Variants in TRIP13 observed in about 807,000 individuals in gnomAD.
The protein encoded by TRIP13 is pachytene checkpoint protein 2 homolog.
In TRIP13, 25 loss-of-function variants were observed where a neutral mutation model predicts 54.4. The ratio of observed to expected loss-of-function variants is 0.46; its 90% CI spans 0.33 to 0.64. The LOEUF is 0.64. Ranked by LOEUF, TRIP13 falls within the 30% of genes least tolerant of loss-of-function variation. The probability of loss-of-function intolerance (pLI) is 0.02; values close to 1 mark genes in which losing one functional copy is unlikely to be tolerated. For synonymous variants in TRIP13, 207 were observed against 207.8 expected (o/e 1.00, Z 0.03); for missense variants, 373 against 534.2 (o/e 0.70, Z 2.97).
At chr5:902,981 C>T (rs1334324397) in intron 5 of TRIP13, among the ~76,000 whole-genome samples, 1 of 152,140 alleles carries the variant, frequency 6.6e-6, no homozygotes, top group African/African-American at 2.4e-5. Context: ...AAAGGCAGAG[C>T]CAGGTGTACA....
chr5:912,602 AGTGT>A lies in TRIP13; in HGVS notation c.1020+608_1020+611del, dbSNP rs1384594720. ...GCCACGGGCACAGTGACGTGCGGTG[AGTGT>A]GAGTCAGGAGGGCCGTCGCCACGGG... On this transcript the variant is annotated intron_variant, in intron 10 of 12. Coordinates refer to ENST00000166345, the MANE Select transcript of TRIP13 (RefSeq NM_004237.4). This position sits in a 1 kb window ranked among gnomAD's most constrained non-coding sequence, Gnocchi z 7.2. Among the ~76,000 whole-genome samples, 4 of 136,312 alleles carry A rather than the reference AGTGT, an allele frequency of 2.9e-5. No individual in the cohort carries two copies. The highest frequency in any genetic ancestry group is 4.8e-4 in the South Asian group (2 of 4,192). 89.4% of individuals were successfully genotyped at this position (136,312 alleles called of 152,430 possible). A position where few individuals can be genotyped will look rare whatever the true frequency, so the allele number is the denominator to read the frequency against.
rs1411206556 is a variant in TRIP13 at position 895,056 on chromosome 5, C to T, written c.258+104C>T. 2.3e-6 allele frequency: 3 copies of T among 1,309,674 alleles called. No individual in the cohort carries two copies. The African/African-American group carries it at 4.4e-5, about 19-fold the overall frequency. The allele number at this position is 1,309,674 out of a possible 1,614,324, so 81.1% of individuals were successfully genotyped here. A position where few individuals can be genotyped will look rare whatever the true frequency, so the allele number is the denominator to read the frequency against. ...TAGCCTGTTGTCAGAAACAGGTTCA[C>T]TTCTCTGTTGGTTTGGGTGGCTAGA... On this transcript the variant is annotated intron_variant, in intron 2 of 12. Transcript: ENST00000166345.
chr5:894,972 G>A lies in TRIP13; in HGVS notation c.258+20G>A. On this transcript the variant is annotated intron_variant, in intron 2 of 12. Transcript: ENST00000166345. ...TCACAGGTAAGTTACTAATTTGCTGGGCCAAGGAACAGTTAGCTGAATACA... is the reference window on the plus strand; with the variant it reads ...TCACAGGTAAGTTACTAATTTGCTGAGCCAAGGAACAGTTAGCTGAATACA... 1.3e-6 allele frequency: 2 copies of A among 1,587,294 alleles called. No homozygotes were observed. Among genetic ancestry groups the A allele is most frequent in the Non-Finnish European group, 8.5e-7 (1 of 1,171,430 alleles).
At chr5:904,929 G>A (rs896852991) in intron 6 of TRIP13, among the ~76,000 whole-genome samples, 1 of 152,084 alleles carries the variant, frequency 6.6e-6, no homozygotes, top group Non-Finnish European at 1.5e-5. Context: ...ATTCCATCAT[G>A]ATTGTCATTT....
chr5:916,162 G>A (rs1464135772), intron 12 of TRIP13, among the ~76,000 whole-genome samples, 189 bp downstream of exon 12: 1 of 152,218 alleles, frequency 6.6e-6, no homozygotes, highest in Non-Finnish European at 1.5e-5. Context: ...CCTTTGGGAG[G>A]AGGCGGCTGT....
Position 911,346 on chromosome 5 carries a change from C to T in TRIP13, c.867-497C>T, listed in dbSNP as rs1002691328. Reference sequence around the variant, plus strand: ...CAGCACTTTGGGAGGCCGAGGCAGGCGGATCACGAGGTCAGGAGATCGAGA... The same window carrying T: ...CAGCACTTTGGGAGGCCGAGGCAGGTGGATCACGAGGTCAGGAGATCGAGA... On this transcript the variant is annotated intron_variant, in intron 9 of 12. Coordinates refer to ENST00000166345, the MANE Select transcript of TRIP13 (RefSeq NM_004237.4). This position sits in a 1 kb window ranked among gnomAD's most constrained non-coding sequence, Gnocchi z 4.7. Among the ~76,000 whole-genome samples, 2 of 151,974 alleles carry T rather than the reference C, an allele frequency of 1.3e-5. No individual in the cohort carries two copies. Among genetic ancestry groups the T allele is most frequent in the East Asian group, 3.9e-4 (2 of 5,148 alleles).
intron 6 of TRIP13, among the ~76,000 whole-genome samples, chr5:906,591 A>G (rs940916057): frequency 6.6e-6 from 1 of 152,182 alleles, no homozygotes; most frequent in Non-Finnish European, 1.5e-5. Flanking sequence ...CTCTGGCCTC[A>G]GTCTTGTTCT....
intron 5 of TRIP13, 91 bp downstream of exon 5, chr5:901,522 C>G (rs1483197070): frequency 3.2e-6 from 4 of 1,257,800 alleles, no homozygotes; most frequent in African/African-American, 1.5e-5. Flanking sequence ...AGTTACGGCT[C>G]TTTGTTTTCT....
In TRIP13 at chr5:912,005, A is replaced by T. The variant is rs950795108; in HGVS notation, c.1020+9A>T. On this transcript the variant is annotated intron_variant, in intron 10 of 12. Coordinates refer to ENST00000166345, the MANE Select transcript of TRIP13 (RefSeq NM_004237.4). This position sits in a 1 kb window ranked among gnomAD's most constrained non-coding sequence, Gnocchi z 7.2. Reference sequence around the variant, plus strand: ...TGGAAGAACTGATGAAGGTACCTTTATTTTTTTTTTCCTCTTGATACAAAT... The same window carrying T: ...TGGAAGAACTGATGAAGGTACCTTTTTTTTTTTTTTCCTCTTGATACAAAT... 4 of 1,529,070 alleles carry T rather than the reference A, an allele frequency of 2.6e-6. No individual in the cohort carries two copies. In the African/African-American group the frequency reaches 4.2e-5, roughly 16 times the overall value. 94.7% of individuals were successfully genotyped at this position (1,529,070 alleles called of 1,614,324 possible). A position where few individuals can be genotyped will look rare whatever the true frequency, so the allele number is the denominator to read the frequency against.
At position 916,721 on chromosome 5, in the gene TRIP13, T is replaced by A. The variant is rs1754347829; in HGVS notation, c.1204-287T>A. Among the ~76,000 whole-genome samples, 3 of 152,160 alleles carry A rather than the reference T, an allele frequency of 2.0e-5. No individual in the cohort carries two copies. In the South Asian group the frequency reaches 6.2e-4, roughly 32 times the overall value. On this transcript the variant is annotated intron_variant, in intron 12 of 12. Coordinates refer to ENST00000166345, the MANE Select transcript of TRIP13 (RefSeq NM_004237.4). ...CTACAGCTTCTCATCCTTCTCAGTGTGTGGGTGGCTGCCTTGGTGCTCCCC... is the reference window on the plus strand; with the variant it reads ...CTACAGCTTCTCATCCTTCTCAGTGAGTGGGTGGCTGCCTTGGTGCTCCCC...
chr5:896,868 A>T (rs920980), intron 3 of TRIP13, 74 bp downstream of exon 3: 2 of 1,478,538 alleles, frequency 1.4e-6, no homozygotes, highest in East Asian at 2.4e-5. Flanking sequence ...GTCAGTTCAC[A>T]GGGGGGGTTC....
At chr5:904,500 A>G (rs1427558800) in intron 6 of TRIP13, among the ~76,000 whole-genome samples, 2 of 152,018 alleles carry the variant, frequency 1.3e-5, no homozygotes, top group African/African-American at 4.8e-5. Flanking sequence ...CTAATTACGG[A>G]TTTGTCTTTT....
In TRIP13 at chr5:915,655, C is replaced by G. The variant is rs1308021750; in HGVS notation, c.1134-249C>G. 1.3e-5 allele frequency among the ~76,000 whole-genome samples: 2 copies of G among 152,160 alleles called. No individual in the cohort carries two copies. The highest frequency in any genetic ancestry group is 2.9e-5 in the Non-Finnish European group (2 of 68,030). On this transcript the variant is annotated intron_variant, in intron 11 of 12. Coordinates refer to ENST00000166345, the MANE Select transcript of TRIP13 (RefSeq NM_004237.4). This position sits in a 1 kb window ranked among gnomAD's most constrained non-coding sequence, Gnocchi z 4.2. The stretch of plus-strand genomic sequence containing the variant: ...TGGGTGTGCTTCAGAGCCGCGAGGA[C>G]ACTGCCTCCCAGAGCAGGAGCTGAG...
rs267600743 is a variant in TRIP13, at chr5:907,172, C to T, written c.651C>T (p.Leu217=). The change falls in exon 7 of 13, where the codon CTC becomes CTT. Residue 217 remains leucine (L), a synonymous_variant. Coordinates refer to ENST00000166345, the MANE Select transcript of TRIP13 (RefSeq NM_004237.4). This position sits in a 1 kb window ranked among gnomAD's most constrained non-coding sequence, Gnocchi z 4.1. ...TAATTGAAATAAACAGCCACAGCCT[C>T]TTTTCTAAGTGGTTTTCGGAAGTAA... The part of the protein sequence containing the change: ...GQLIEINSHS[L]FSKWFSESGK... The T allele has an allele frequency of 3.5e-5, 57 of 1,613,926 alleles. No individual in the cohort carries two copies. In the South Asian group the frequency reaches 4.6e-4, roughly 13 times the overall value.
chr5:902,205 GT>G (rs1189174412), intron 5 of TRIP13, among the ~76,000 whole-genome samples: 1 of 152,160 alleles, frequency 6.6e-6, no homozygotes, highest in Non-Finnish European at 1.5e-5. Context: ...GTTTTGTTTT[GT>G]TGTCAATATC....
At chr5:909,441 G>GA (rs1754184264) in intron 9 of TRIP13, among the ~76,000 whole-genome samples, 1 of 152,184 alleles carries the variant, frequency 6.6e-6, no homozygotes, top group African/African-American at 2.4e-5. Flanking sequence ...CTGTGCAGAG[G>GA]AACGTTTTGT....
In TRIP13 at chr5:915,715, G is replaced by A. The variant is rs116788429; in HGVS notation, c.1134-189G>A. ...AGACCGGCCCCATACGAGAGGCCGG[G>A]GGCAAAGAGACATTCAGAGGGCAAG... On this transcript the variant is annotated intron_variant, in intron 11 of 12. Transcript: ENST00000166345. The surrounding 1 kb of genome is among the most constrained non-coding windows in gnomAD (Gnocchi z 4.2). Among the ~76,000 whole-genome samples, 509 of 152,296 alleles carry A rather than the reference G, an allele frequency of 3.3e-3. 4 individuals are homozygous for A. Among genetic ancestry groups the A allele is most frequent in the Non-Finnish European group, 5.6e-3 (384 of 68,012 alleles).
At position 911,969 on chromosome 5, in the gene TRIP13, C is replaced by T. The variant is rs756462638; in HGVS notation, c.993C>T (p.Tyr331=). Residue 331 remains tyrosine (Y), a synonymous_variant, in exon 10 of 13, where the codon TAC becomes TAT. Transcript: ENST00000166345. This position sits in a 1 kb window ranked among gnomAD's most constrained non-coding sequence, Gnocchi z 4.7. ...PPSAAAIFKI[Y]LSCLEELMKC... is the part of the protein sequence containing the mutation. Reference sequence around the variant, plus strand: ...CTGCAGCAGCCATCTTCAAAATCTACCTCTCTTGTTTGGAAGAACTGATGA... The same window carrying T: ...CTGCAGCAGCCATCTTCAAAATCTATCTCTCTTGTTTGGAAGAACTGATGA... The T allele has an allele frequency of 6.2e-7, 1 of 1,612,970 alleles. No homozygotes were observed. The highest frequency in any genetic ancestry group is 8.5e-7 in the Non-Finnish European group (1 of 1,179,722).
Position 908,191 on chromosome 5 carries a change from C to A in TRIP13, c.759+117C>A. On this transcript the variant is annotated intron_variant, in intron 8 of 12. Transcript: ENST00000166345. The surrounding 1 kb of genome is among the most constrained non-coding windows in gnomAD (Gnocchi z 5.2). ...CCTACAGCCGGGCTGCCCTCTATCC[C>A]TCCCTGCACTGTGCGCCTTTCCACC... The A allele has an allele frequency of 1.4e-6, 2 of 1,387,170 alleles. No individual in the cohort carries two copies. Among genetic ancestry groups the A allele is most frequent in the Non-Finnish European group, 2.0e-6 (2 of 983,984 alleles). 85.9% of individuals were successfully genotyped at this position (1,387,170 alleles called of 1,614,324 possible).
Sources: allele counts gnomAD v4.1 joint callset (sites outside exome capture counted in the v4.1 genomes callset), GRCh38; gene constraint gnomAD v4.1.1; non-coding constraint Gnocchi (gnomAD v3.1); transcripts MANE v1.5; gene names NCBI Gene and HGNC (gene_info 2026-07-23, HGNC 2026-07-21).